Variants in CNTNAP2 observed in about 807,000 individuals in gnomAD.
CNTNAP2 encodes the protein contactin-associated protein-like 2.
In CNTNAP2, 98 loss-of-function variants were observed where a neutral mutation model predicts 155.2. The ratio of observed to expected loss-of-function variants is 0.63; its 90% CI spans 0.54 to 0.75. The LOEUF (loss-of-function observed/expected upper bound fraction) is 0.75. CNTNAP2 is among the 30% of genes least tolerant of loss of function. The probability of loss-of-function intolerance (pLI) is 0.00; values close to 1 mark genes in which losing one functional copy is unlikely to be tolerated. For synonymous variants in CNTNAP2, 651 were observed against 631.2 expected, an observed-to-expected ratio of 1.03 and a Z score of -0.47; for missense variants, 1,727 against 1,688.1, an observed-to-expected ratio of 1.02 and a Z score of -0.40.
In CNTNAP2 at chr7:147,708,814, T is replaced by C. The variant is rs562890915; in HGVS notation, c.2098+69508T>C. On this transcript the variant is annotated intron_variant, in intron 13 of 23. Coordinates refer to ENST00000361727, the MANE Select transcript of CNTNAP2 (RefSeq NM_014141.6). ...TTGAATTCTAATGTTCTTTCATAAATGATCTATTCAAAGTGTGATCATCTA... is the reference window on the plus strand; with the variant it reads ...TTGAATTCTAATGTTCTTTCATAAACGATCTATTCAAAGTGTGATCATCTA... Among the ~76,000 whole-genome samples, 10 of 152,330 alleles carry C rather than the reference T, an allele frequency of 6.6e-5. No homozygotes were observed. The East Asian group carries it at 1.9e-3, about 29-fold the overall frequency.
chr7:146,482,071 CAT>C (rs1796967412), intron 1 of CNTNAP2, among the ~76,000 whole-genome samples: 1 of 151,708 alleles, frequency 6.6e-6, no homozygotes, highest in Non-Finnish European at 1.5e-5. Context: ...AACTTAAAAA[CAT>C]AAAGAAAAGC....
At chr7:147,526,134 G>A (rs895260393) in intron 11 of CNTNAP2, among the ~76,000 whole-genome samples, 2 of 150,032 alleles carry the variant, frequency 1.3e-5, no homozygotes, top group African/African-American at 4.9e-5. Context: ...GGAGGTTGAA[G>A]TGAGCCGAGA....
At chr7:147,046,135 A>T (rs935833867) in intron 4 of CNTNAP2, among the ~76,000 whole-genome samples, 1 of 152,180 alleles carries the variant, frequency 6.6e-6, no homozygotes, top group Non-Finnish European at 1.5e-5. Flanking sequence ...GAACCCAGGT[A>T]GTCTGGTACA....
At chr7:147,540,829 C>A (rs200263415) in intron 11 of CNTNAP2, among the ~76,000 whole-genome samples, 30 of 147,188 alleles carry the variant, frequency 2.0e-4, no homozygotes, top group Middle Eastern at 3.6e-3. Flanking sequence ...GACTCTGTCT[C>A]AAAAAAAAAA....
At chr7:146,663,822 T>C (rs1800137909) in intron 1 of CNTNAP2, among the ~76,000 whole-genome samples, 2 of 152,202 alleles carry the variant, frequency 1.3e-5, no homozygotes, top group East Asian at 3.9e-4. Context: ...TGTTTGCTCC[T>C]TTCCAATCTA....
intron 10 of CNTNAP2, among the ~76,000 whole-genome samples, chr7:147,480,720 C>A (rs1473558676): frequency 6.6e-6 from 1 of 152,112 alleles, no homozygotes; most frequent in Non-Finnish European, 1.5e-5. Context: ...CCTTGTGCTC[C>A]CTTCCTGGGC....
chr7:147,561,615 T>C (rs938498973), intron 11 of CNTNAP2, among the ~76,000 whole-genome samples: 1 of 152,192 alleles, frequency 6.6e-6, no homozygotes, highest in African/African-American at 2.4e-5. Context: ...CTTTCCTTTT[T>C]TTGAGAAAGG....
At chr7:147,015,814 T>C (rs1375143782) in intron 3 of CNTNAP2, among the ~76,000 whole-genome samples, 8 of 152,050 alleles carry the variant, frequency 5.3e-5, no homozygotes, top group Non-Finnish European at 4.4e-5. Flanking sequence ...AAACTTATAT[T>C]CTATCTCTAA....
chr7:147,820,856 C>A (rs1366728717), intron 13 of CNTNAP2, among the ~76,000 whole-genome samples: 1 of 152,038 alleles, frequency 6.6e-6, no homozygotes, highest in African/African-American at 2.4e-5. Flanking sequence ...TCTTTTCTGT[C>A]CCATTGATTT....
At chr7:147,670,865 C>T (rs1216319570) in intron 13 of CNTNAP2, among the ~76,000 whole-genome samples, 1 of 152,212 alleles carries the variant, frequency 6.6e-6, no homozygotes, top group East Asian at 1.9e-4. Context: ...AGGGCAGCCA[C>T]CTCATGTGAG....
intron 1 of CNTNAP2, among the ~76,000 whole-genome samples, chr7:146,567,475 T>A (rs6959655): frequency 6.6e-6 from 1 of 151,972 alleles, no homozygotes; most frequent in Non-Finnish European, 1.5e-5. Flanking sequence ...TATTAGATTA[T>A]AGTTTACCTA....
At chr7:148,241,245 G>C (rs1563007990) in intron 20 of CNTNAP2, among the ~76,000 whole-genome samples, 1 of 152,144 alleles carries the variant, frequency 6.6e-6, no homozygotes, top group Non-Finnish European at 1.5e-5. Flanking sequence ...CATAGTCTAT[G>C]ACCCAATAAA....
intron 3 of CNTNAP2, among the ~76,000 whole-genome samples, chr7:146,976,194 C>T (rs935653039): frequency 1.3e-5 from 2 of 152,332 alleles, no homozygotes; most frequent in African/African-American, 4.8e-5. Context: ...TCCTGCTTCT[C>T]TCGCACTACA....
At chr7:148,116,916 T>C (rs149659153) in intron 15 of CNTNAP2, among the ~76,000 whole-genome samples, 151 of 152,322 alleles carry the variant, frequency 9.9e-4, no homozygotes, top group African/African-American at 3.6e-3. Flanking sequence ...ATTTGGAGTT[T>C]AGTATCAGAG....
At chr7:148,209,987 C>T (rs1205289467) in intron 18 of CNTNAP2, among the ~76,000 whole-genome samples, 2 of 152,204 alleles carry the variant, frequency 1.3e-5, no homozygotes, top group Non-Finnish European at 2.9e-5. Flanking sequence ...ATCTCACTGG[C>T]CTTCAATTAT....
chr7:147,529,665 T>G (rs576295916), intron 11 of CNTNAP2, among the ~76,000 whole-genome samples: 2 of 152,264 alleles, frequency 1.3e-5, no homozygotes, highest in East Asian at 3.9e-4. Flanking sequence ...CTTAATAAAA[T>G]AAAAGCAAAG....
chr7:146,166,763 G>T (rs1443772997), intron 1 of CNTNAP2, among the ~76,000 whole-genome samples: 1 of 152,180 alleles, frequency 6.6e-6, no homozygotes, highest in Non-Finnish European at 1.5e-5. Context: ...CGAGTTAGAA[G>T]TGGTCAGACA....
At chr7:146,519,309 T>A (rs2129136967) in intron 1 of CNTNAP2, among the ~76,000 whole-genome samples, 1 of 151,888 alleles carries the variant, frequency 6.6e-6, no homozygotes, top group East Asian at 1.9e-4. Flanking sequence ...TCAGGGCAAA[T>A]CCTGAACCAT....
At chr7:147,335,542 GC>G (rs1795650110) in intron 9 of CNTNAP2, among the ~76,000 whole-genome samples, 1 of 152,088 alleles carries the variant, frequency 6.6e-6, no homozygotes, top group Non-Finnish European at 1.5e-5. Flanking sequence ...GAGTTCTTGA[GC>G]CCCCAAAGAA....
Sources: allele counts gnomAD v4.1 joint callset (sites outside exome capture counted in the v4.1 genomes callset), GRCh38; gene constraint gnomAD v4.1.1; transcripts MANE v1.5; gene names NCBI Gene and HGNC (gene_info 2026-07-23, HGNC 2026-07-21).